Variants in MDGA2 observed in about 807,000 individuals in gnomAD.
MDGA2 encodes the protein MAM domain containing glycosylphosphatidylinositol anchor 2.
A neutral mutation model predicts 117.8 loss-of-function variants in MDGA2; 40 were observed. The ratio of observed to expected loss-of-function variants is 0.34; its 90% CI spans 0.26 to 0.44. MDGA2 has a LOEUF of 0.44. Among genes scored for constraint, MDGA2 ranks in the 20% least tolerant of loss-of-function variants. The pLI, the probability that MDGA2 is intolerant of heterozygous loss-of-function variation, is 1.00. For synonymous variants in MDGA2, 452 were observed against 439.0 expected (o/e 1.03, Z -0.37); for missense variants, 1,123 against 1,250.6 (o/e 0.90, Z 1.54).
chr14:46,932,005 T>C (rs1884597633), intron 9 of MDGA2, among the ~76,000 whole-genome samples: 1 of 152,072 alleles, frequency 6.6e-6, no homozygotes, highest in Admixed American at 6.6e-5. Flanking sequence ...GAATAATGTG[T>C]GTGTACATAA....
intron 8 of MDGA2, among the ~76,000 whole-genome samples, chr14:47,011,650 CA>C (rs1281443233): frequency 6.6e-6 from 1 of 151,816 alleles, no homozygotes; most frequent in African/African-American, 2.4e-5. Flanking sequence ...GACATGTTGA[CA>C]AAAAATGACA....
chr14:47,615,204 C>T (rs964671497), intron 1 of MDGA2, among the ~76,000 whole-genome samples: 12 of 151,952 alleles, frequency 7.9e-5, no homozygotes, highest in Non-Finnish European at 4.4e-5. Flanking sequence ...ACCTCCTGAG[C>T]AACAGATGTT....
intron 6 of MDGA2, among the ~76,000 whole-genome samples, chr14:47,066,952 A>G (rs937370721): frequency 6.6e-6 from 1 of 152,068 alleles, no homozygotes; most frequent in African/African-American, 2.4e-5. Context: ...CATCTCTACT[A>G]AAAATACAAA....
intron 3 of MDGA2, among the ~76,000 whole-genome samples, chr14:47,164,693 C>A (rs543603974): frequency 6.6e-6 from 1 of 152,218 alleles, no homozygotes; most frequent in East Asian, 1.9e-4. Flanking sequence ...GACAGTGTGG[C>A]GATTCCTCAG....
intron 1 of MDGA2, among the ~76,000 whole-genome samples, chr14:47,647,946 G>T (rs1009865054): frequency 6.6e-6 from 1 of 151,934 alleles, no homozygotes; most frequent in Admixed American, 6.6e-5. Flanking sequence ...TTATATTAAT[G>T]TATTAAATTA....
chr14:47,644,359 T>G (rs2074213516), intron 1 of MDGA2, among the ~76,000 whole-genome samples: 1 of 152,210 alleles, frequency 6.6e-6, no homozygotes. Flanking sequence ...AAATGTGATA[T>G]ATATACAAAA....
intron 1 of MDGA2, among the ~76,000 whole-genome samples, chr14:47,668,681 T>C (rs1183746739): frequency 6.6e-6 from 1 of 152,192 alleles, no homozygotes; most frequent in Non-Finnish European, 1.5e-5. Context: ...TTAATGTCAA[T>C]TACAAAGAAG....
At chr14:47,342,682 G>A (rs1890665394) in intron 1 of MDGA2, among the ~76,000 whole-genome samples, 1 of 151,962 alleles carries the variant, frequency 6.6e-6, no homozygotes, top group Admixed American at 6.6e-5. Context: ...ATGTTGACCC[G>A]GAAAAACGGA....
intron 1 of MDGA2, among the ~76,000 whole-genome samples, chr14:47,407,145 G>T (rs2138476777): frequency 6.6e-6 from 1 of 152,148 alleles, no homozygotes. Context: ...CATTAGGCAT[G>T]ATTTCTCCAT....
chr14:47,544,985 T>C (rs1361085333), intron 1 of MDGA2, among the ~76,000 whole-genome samples: 2 of 152,238 alleles, frequency 1.3e-5, no homozygotes, highest in Non-Finnish European at 2.9e-5. Context: ...TATAAAATTA[T>C]TATCTAAATT....
intron 8 of MDGA2, among the ~76,000 whole-genome samples, chr14:46,964,803 C>T (rs539669967): frequency 2.6e-5 from 4 of 151,252 alleles, no homozygotes; most frequent in Non-Finnish European, 4.4e-5. Context: ...GCAAAGTTAA[C>T]GTGTTTGTAG....
intron 7 of MDGA2, among the ~76,000 whole-genome samples, chr14:47,045,446 T>C (rs1173957056): frequency 6.6e-6 from 1 of 152,158 alleles, no homozygotes; most frequent in African/African-American, 2.4e-5. Flanking sequence ...GACTTGTATG[T>C]TTCTCACATA....
intron 8 of MDGA2, among the ~76,000 whole-genome samples, chr14:46,993,084 C>CT (rs1490028327): frequency 6.6e-6 from 1 of 151,788 alleles, no homozygotes; most frequent in Non-Finnish European, 1.5e-5. Context: ...AAAAATTCTT[C>CT]TCATACACTA....
rs57817346 is a variant in MDGA2, at chr14:46,993,467, C to CT, written c.1820-35825dup. 3.2e-3 allele frequency among the ~76,000 whole-genome samples: 472 copies of CT among 146,720 alleles called. 1 individual carries two copies. The highest frequency in any genetic ancestry group is 8.8e-3 in the African/African-American group (352 of 39,872). On this transcript the variant is annotated intron_variant, in intron 8 of 16. Coordinates refer to ENST00000399232, the MANE Select transcript of MDGA2 (RefSeq NM_001113498.3). ...TTTTTTTCTATTTTTTTGGGGGGGA[C>CT]TTTTTTTTTTCTGACACAGAGTGTT...
chr14:47,171,047 T>C (rs188386287), intron 3 of MDGA2, among the ~76,000 whole-genome samples: 2 of 152,234 alleles, frequency 1.3e-5, no homozygotes, highest in East Asian at 3.9e-4. Flanking sequence ...CAAATATACA[T>C]TTGAAAAAGT....
At chr14:47,103,657 T>G (rs183834391) in intron 5 of MDGA2, among the ~76,000 whole-genome samples, 21 of 152,352 alleles carry the variant, frequency 1.4e-4, no homozygotes, top group Middle Eastern at 3.4e-3. Flanking sequence ...TTTATGGAAA[T>G]GATTGCAAAG....
chr14:47,080,833 C>A (rs1042960970), intron 6 of MDGA2, among the ~76,000 whole-genome samples: 1 of 152,206 alleles, frequency 6.6e-6, no homozygotes, highest in African/African-American at 2.4e-5. Flanking sequence ...AATTTTCAAT[C>A]TCCATCTTGC....
At chr14:47,223,957 A>G (rs1483450133) in intron 2 of MDGA2, among the ~76,000 whole-genome samples, 1 of 152,112 alleles carries the variant, frequency 6.6e-6, no homozygotes, top group Non-Finnish European at 1.5e-5. Context: ...AGGATTCACT[A>G]TCATGAGAAC....
intron 1 of MDGA2, among the ~76,000 whole-genome samples, chr14:47,558,700 T>C (rs772965003): frequency 7.9e-5 from 12 of 152,210 alleles, no homozygotes; most frequent in Non-Finnish European, 1.6e-4. Context: ...AACATGCTTA[T>C]CCTTTTTATA....
Sources: allele counts gnomAD v4.1 joint callset (sites outside exome capture counted in the v4.1 genomes callset), GRCh38; gene constraint gnomAD v4.1.1; transcripts MANE v1.5; gene names NCBI Gene and HGNC (gene_info 2026-07-23, HGNC 2026-07-21).